Variants in RUSC2 observed in about 807,000 individuals in gnomAD.
RUSC2 encodes AP-4 complex accessory subunit RUSC2.
RUSC2 carries 34 observed loss-of-function variants against 122.2 expected under a neutral mutation model. The observed-to-expected ratio is 0.28, with a 90% confidence interval of 0.21 to 0.37. The LOEUF is 0.37. Among genes scored for constraint, RUSC2 ranks in the 10% least tolerant of loss-of-function variants. The pLI is 1.00. For missense variants in RUSC2, 1,747 were observed against 1,952.4 expected (o/e 0.89, Z 1.98); for synonymous variants, 784 against 790.0 (o/e 0.99, Z 0.13).
chr9:35,548,518 C>G lies in RUSC2; in HGVS notation c.1997C>G (p.Ala666Gly). 6.2e-7 allele frequency: 1 copy of G among 1,612,238 alleles called. No homozygotes were observed. Among genetic ancestry groups the G allele is most frequent in the Non-Finnish European group, 8.5e-7 (1 of 1,179,534 alleles). ...SPANSHTQRD[A>G]RARADGGGTE... ...GCCAACAGCCATACCCAGAGGGATG[C>G]AAGAGCTAGAGCTGACGGTAAGGAG... Residue 666 changes from alanine (A) to glycine (G), a missense_variant, in exon 2 of 12, where the codon GCA becomes GGA. Coordinates refer to ENST00000361226, the MANE Select transcript of RUSC2 (RefSeq NM_014806.5). The surrounding 1 kb of genome is among the most constrained non-coding windows in gnomAD (Gnocchi z 4.5).
intron 1 of RUSC2, among the ~76,000 whole-genome samples, chr9:35,517,784 C>T (rs965603882): frequency 3.3e-5 from 5 of 152,266 alleles, no homozygotes; most frequent in African/African-American, 9.6e-5. Context: ...AAGGCCAGGG[C>T]GCTCTGCCTG....
In RUSC2 at chr9:35,496,343, A is replaced by G. The variant is rs192281326; in HGVS notation, c.-93+6171A>G. 9.2e-5 allele frequency among the ~76,000 whole-genome samples: 14 copies of G among 152,318 alleles called. No homozygotes were observed. The Middle Eastern group carries it at 0.01, about 111-fold the overall frequency. On this transcript the variant is annotated intron_variant, in intron 1 of 11. Transcript: ENST00000361226. ...TATCACCAGTTGAGCCATAAATAAC[A>G]GGTTCATCTTCGTAGAAACAAAGCT...
intron 1 of RUSC2, among the ~76,000 whole-genome samples, chr9:35,528,365 C>G (rs1389938503): frequency 6.6e-6 from 1 of 151,180 alleles, no homozygotes; most frequent in Non-Finnish European, 1.5e-5. Context: ...GCCTGGGTGA[C>G]AGAGTGAGAC....
At chr9:35,545,837 G>T (rs934940947) in intron 1 of RUSC2, among the ~76,000 whole-genome samples, 7 of 152,146 alleles carry the variant, frequency 4.6e-5, no homozygotes, top group Non-Finnish European at 1.0e-4. Flanking sequence ...TTAGCCCACG[G>T]TCATCAGAAA....
At chr9:35,543,232 C>T (rs1320768541) in intron 1 of RUSC2, among the ~76,000 whole-genome samples, 2 of 152,128 alleles carry the variant, frequency 1.3e-5, no homozygotes, top group Non-Finnish European at 2.9e-5. Flanking sequence ...TCAAGACCAG[C>T]CTTGGCAACA....
In RUSC2 at chr9:35,561,094, C is replaced by G. The variant is rs201990592; in HGVS notation, c.4346C>G (p.Pro1449Arg). The G allele has an allele frequency of 6.2e-7, 1 of 1,613,932 alleles. No homozygotes were observed. Among genetic ancestry groups the G allele is most frequent in the African/African-American group, 1.3e-5 (1 of 75,070 alleles). The part of the protein sequence containing the change: ...PHSPALPSSP[P>R]CEVQALCHHL... ...TCCCCAGCCCTGCCCTCCAGTCCTCCGTGGTAAGCCTGGGGAAACGGAAGG... is the reference window on the plus strand; with the variant it reads ...TCCCCAGCCCTGCCCTCCAGTCCTCGGTGGTAAGCCTGGGGAAACGGAAGG... The change falls in exon 11 of 12, where the codon CCG (proline) becomes CGG (arginine). Residue 1449 changes from proline to arginine, a missense_variant. Physicochemically the swap from Pro to Arg is moderately radical, Grantham distance 103 (BLOSUM62 -2). Coordinates refer to ENST00000361226, the MANE Select transcript of RUSC2 (RefSeq NM_014806.5).
At chr9:35,540,127 T>G (rs1321817208) in intron 1 of RUSC2, among the ~76,000 whole-genome samples, 2 of 152,128 alleles carry the variant, frequency 1.3e-5, no homozygotes, top group African/African-American at 4.8e-5. Context: ...CCCAGCACTT[T>G]GAGAGGCTGG....
intron 1 of RUSC2, among the ~76,000 whole-genome samples, chr9:35,534,541 G>C (rs531066493): frequency 3.9e-5 from 6 of 152,136 alleles, no homozygotes; most frequent in Non-Finnish European, 8.8e-5. Context: ...GAGTGCAGGG[G>C]TGCGATCTCA....
chr9:35,546,330 T>C lies in RUSC2; in HGVS notation c.-92-100T>C, dbSNP rs549485917. The C allele has an allele frequency of 1.3e-5, 5 of 398,916 alleles. No homozygotes were observed. The South Asian group carries it at 6.7e-4, about 54-fold the overall frequency. 24.7% of individuals were successfully genotyped at this position (398,916 alleles called of 1,614,324 possible). ...TCCATCTTGACTCAAGCCTTTTCTC[T>C]TCCTGGGCTCTTCTCCATCTGAAAA... is the stretch of plus-strand genomic sequence containing the variant. On this transcript the variant is annotated intron_variant, in intron 1 of 11. Transcript: ENST00000361226. This position sits in a 1 kb window ranked among gnomAD's most constrained non-coding sequence, Gnocchi z 4.3.
At chr9:35,554,077 A>G (rs983988292) in intron 2 of RUSC2, among the ~76,000 whole-genome samples, 4 of 152,142 alleles carry the variant, frequency 2.6e-5, no homozygotes, top group African/African-American at 9.7e-5. Flanking sequence ...TCGCAGAGCT[A>G]CTGAGCCCCA....
chr9:35,490,264 C>T (rs1587828161), intron 1 of RUSC2, 92 bp downstream of exon 1: 1 of 153,260 alleles, frequency 6.5e-6, no homozygotes, highest in Non-Finnish European at 1.5e-5. Context: ...GTCTTCCCAC[C>T]TATGTGCCTT....
Position 35,558,360 on chromosome 9 carries a change from C to T in RUSC2, c.3224C>T (p.Ser1075Phe). 1.2e-6 allele frequency: 2 copies of T among 1,614,076 alleles called. No individual in the cohort carries two copies. The highest frequency in any genetic ancestry group is 1.7e-5 in the Admixed American group (1 of 60,014). ...KNMPWSVVEA[S>F]TQLGPSTKVL... is the part of the protein sequence containing the mutation. ...ATGCCATGGAGTGTGGTTGAGGCTT[C>T]CACACAGCTAGGTAGGTGCTGGGTG... The change falls in exon 7 of 12, where the codon TCC becomes TTC. Residue 1075 changes from serine (S) to phenylalanine (F), a missense_variant. By Grantham distance (155) the Ser-to-Phe change is radical. Transcript: ENST00000361226. This position sits in a 1 kb window ranked among gnomAD's most constrained non-coding sequence, Gnocchi z 4.3.
Position 35,548,352 on chromosome 9 carries a change from C to A in RUSC2, c.1831C>A (p.Pro611Thr). 2 of 1,614,064 alleles carry A rather than the reference C, an allele frequency of 1.2e-6. No homozygotes were observed. The highest frequency in any genetic ancestry group is 1.7e-6 in the Non-Finnish European group (2 of 1,180,030). The change falls in exon 2 of 12, where the codon CCA (proline) becomes ACA (threonine). Residue 611 changes from proline to threonine, a missense_variant. Coordinates refer to ENST00000361226, the MANE Select transcript of RUSC2 (RefSeq NM_014806.5). This position sits in a 1 kb window ranked among gnomAD's most constrained non-coding sequence, Gnocchi z 4.5. ...PLGPGMDLLG[P>T]DPSPPWSTQV... ...GGGGCCAGGCATGGACCTACTTGGC[C>A]CAGACCCAAGTCCACCCTGGTCCAC...
At position 35,560,354 on chromosome 9, in the gene RUSC2, A is replaced by AGAAGAG. The variant is rs145749994; in HGVS notation, c.3726_3731dup (p.Glu1245_Glu1246dup). On this transcript the variant is annotated inframe_insertion, in exon 10 of 12. Transcript: ENST00000361226. ...AGGGTGTGGGTGCCTCAGAAGGTGG[A>AGAAGAG]GAAGAGGAAGAGGAAGAAGAGGAGA... 2 of 1,612,290 alleles carry AGAAGAG rather than the reference A, an allele frequency of 1.2e-6. No homozygotes were observed. The highest frequency in any genetic ancestry group is 4.5e-5 in the East Asian group (2 of 44,826).
In RUSC2 at chr9:35,561,287, C is replaced by A. The variant is rs751431040; in HGVS notation, c.4456C>A (p.Arg1486Ser). 1 of 1,613,962 alleles carries A rather than the reference C, an allele frequency of 6.2e-7. No homozygotes were observed. Among genetic ancestry groups the A allele is most frequent in the South Asian group, 1.1e-5 (1 of 91,080 alleles). Residue 1486 changes from arginine to serine, a missense_variant, in exon 12 of 12, where the codon CGC becomes AGC. Physicochemically the swap from Arg to Ser is moderately radical, Grantham distance 110. Transcript: ENST00000361226. ...VLGRAGGDWL[R>S]CSRGPDSGLV... The stretch of plus-strand genomic sequence containing the variant: ...GGGGCGAGCTGGAGGAGACTGGCTG[C>A]GCTGCAGCCGTGGCCCCGACTCTGG...
chr9:35,520,389 A>G (rs918070494), intron 1 of RUSC2, among the ~76,000 whole-genome samples: 2 of 152,192 alleles, frequency 1.3e-5, no homozygotes, highest in African/African-American at 4.8e-5. Context: ...TTGAAGGACA[A>G]CTAGGCTTCC....
intron 1 of RUSC2, among the ~76,000 whole-genome samples, chr9:35,522,914 A>G (rs1821243764): frequency 6.6e-6 from 1 of 152,220 alleles, no homozygotes; most frequent in Admixed American, 6.5e-5. Context: ...AAAGATTTGT[A>G]TGATTTCAAT....
At chr9:35,526,289 G>A (rs1262179372) in intron 1 of RUSC2, among the ~76,000 whole-genome samples, 2 of 152,152 alleles carry the variant, frequency 1.3e-5, no homozygotes, top group East Asian at 3.9e-4. Context: ...TGGGATTGAG[G>A]AGTGGGGAAA....
rs1168331669 is a variant in RUSC2, at chr9:35,555,394, C to T, written c.2349C>T (p.Ile783=). Residue 783 remains isoleucine, a synonymous_variant, in exon 3 of 12, where the codon ATC becomes ATT. Transcript: ENST00000361226. This position sits in a 1 kb window ranked among gnomAD's most constrained non-coding sequence, Gnocchi z 4.6. ...RPSPLGSYSP[I]RSVGPFGPST... Reference sequence around the variant, plus strand: ...CGCCCCTGGGCAGCTACTCCCCCATCCGGAGTGTTGGCCCCTTTGGGCCCA... The same window carrying T: ...CGCCCCTGGGCAGCTACTCCCCCATTCGGAGTGTTGGCCCCTTTGGGCCCA... The T allele has an allele frequency of 6.2e-7, 1 of 1,614,258 alleles. No individual in the cohort carries two copies. The highest frequency in any genetic ancestry group is 1.1e-5 in the South Asian group (1 of 91,090).
Sources: allele counts gnomAD v4.1 joint callset (sites outside exome capture counted in the v4.1 genomes callset), GRCh38; gene constraint gnomAD v4.1.1; non-coding constraint Gnocchi (gnomAD v3.1); transcripts MANE v1.5; gene names NCBI Gene and HGNC (gene_info 2026-07-23, HGNC 2026-07-21).